FSTL5: variants seen among roughly 807,000 people sequenced by gnomAD.
The protein encoded by FSTL5 is follistatin-related protein 5.
In FSTL5, 62 loss-of-function variants were observed where a neutral mutation model predicts 89.1. The ratio of observed to expected loss-of-function variants is 0.70; its 90% CI spans 0.57 to 0.86. The LOEUF (loss-of-function observed/expected upper bound fraction) is 0.86, where lower values mean the gene tolerates loss of function less well. FSTL5 is among the 40% of genes least tolerant of loss of function. FSTL5 has a pLI of 0.00. For synonymous variants in FSTL5, 383 were observed against 346.2 expected (o/e 1.11, Z -1.18); for missense variants, 1,057 against 1,001.6 (o/e 1.06, Z -0.75).
At chr4:161,997,083 C>A (rs1736317259) in intron 3 of FSTL5, among the ~76,000 whole-genome samples, 1 of 152,014 alleles carries the variant, frequency 6.6e-6, no homozygotes, top group Non-Finnish European at 1.5e-5. Flanking sequence ...TATTGTTTTA[C>A]AACATTTTAA....
At chr4:161,583,236 G>T (rs148625967) in intron 8 of FSTL5, among the ~76,000 whole-genome samples, 23 of 152,134 alleles carry the variant, frequency 1.5e-4, no homozygotes, top group Non-Finnish European at 2.8e-4. Flanking sequence ...TTTCTCATGT[G>T]TCAGGTGTCA....
chr4:161,476,650 C>T (rs772158473), intron 13 of FSTL5, among the ~76,000 whole-genome samples: 4 of 152,156 alleles, frequency 2.6e-5, no homozygotes, highest in Non-Finnish European at 5.9e-5. Flanking sequence ...CTCCTATATG[C>T]ACTTGTTTTT....
chr4:161,565,814 G>A (rs939133140), intron 8 of FSTL5, among the ~76,000 whole-genome samples: 6 of 141,026 alleles, frequency 4.3e-5, no homozygotes, highest in Non-Finnish European at 7.7e-5. Context: ...TCTCTTCATT[G>A]GTTGATGGAC....
At chr4:162,144,112 C>T (rs77021909) in intron 1 of FSTL5, among the ~76,000 whole-genome samples, 35,214 of 151,808 alleles carry the variant, frequency 0.23, 4,239 homozygotes, top group Non-Finnish European at 0.25. Context: ...AGAACAGGGA[C>T]GAGGCTTCAT....
chr4:161,967,081 A>C (rs973597599), intron 3 of FSTL5, among the ~76,000 whole-genome samples: 8 of 148,526 alleles, frequency 5.4e-5, no homozygotes, highest in Admixed American at 6.7e-5. Context: ...CTGTTTCACA[A>C]AAAAAAAAAA....
chr4:161,540,618 A>C (rs1383175123), intron 9 of FSTL5, among the ~76,000 whole-genome samples: 1 of 151,950 alleles, frequency 6.6e-6, no homozygotes. Context: ...CTCCCTACTG[A>C]TACTTTCTCA....
intron 11 of FSTL5, among the ~76,000 whole-genome samples, chr4:161,509,173 C>T (rs1002611113): frequency 2.6e-5 from 4 of 152,126 alleles, no homozygotes; most frequent in Admixed American, 2.0e-4. Flanking sequence ...CGTGGTGGCC[C>T]GCTCCTGTAA....
chr4:161,743,671 A>G (rs1413448938), intron 6 of FSTL5, among the ~76,000 whole-genome samples: 1 of 152,152 alleles, frequency 6.6e-6, no homozygotes, highest in African/African-American at 2.4e-5. Context: ...AGTCTTGCAG[A>G]TATATTTTAA....
At chr4:161,827,246 G>C (rs1051233306) in intron 4 of FSTL5, among the ~76,000 whole-genome samples, 1 of 152,210 alleles carries the variant, frequency 6.6e-6, no homozygotes, top group African/African-American at 2.4e-5. Context: ...AGCCAGCAGA[G>C]CTACCAGGCT....
At position 161,419,153 on chromosome 4, in the gene FSTL5, A is replaced by G. The variant is rs544480429; in HGVS notation, c.1842-32704T>C. ...CCCTTAAAAGAAGGACAGACTGAAG[A>G]ACTTCAGTTGCTGTTTTTTACCAAT... is the stretch of plus-strand genomic sequence containing the variant. On this transcript the variant is annotated intron_variant, in intron 15 of 15. Transcript: ENST00000306100. 2.0e-5 allele frequency among the ~76,000 whole-genome samples: 3 copies of G among 152,338 alleles called. No homozygotes were observed. In the East Asian group the frequency reaches 5.8e-4, roughly 29 times the overall value.
At chr4:161,805,376 G>A (rs990334585) in intron 4 of FSTL5, among the ~76,000 whole-genome samples, 1 of 152,270 alleles carries the variant, frequency 6.6e-6, no homozygotes, top group African/African-American at 2.4e-5. Flanking sequence ...ATCAGATGCA[G>A]TTAGAAAACC....
chr4:161,499,243 G>T (rs1338767383), intron 12 of FSTL5, among the ~76,000 whole-genome samples: 1 of 152,076 alleles, frequency 6.6e-6, no homozygotes. Context: ...TGCAATTTAA[G>T]ATTTTTTACA....
At chr4:162,033,706 A>C in intron 2 of FSTL5, 48 bp from the exon 3 acceptor site, 1 of 1,039,540 alleles carries the variant, frequency 9.6e-7, no homozygotes, top group South Asian at 1.5e-5. Flanking sequence ...TAAATATGTG[A>C]TCAACTGTTT....
At chr4:161,890,884 G>A (rs1033681444) in intron 4 of FSTL5, among the ~76,000 whole-genome samples, 1 of 151,922 alleles carries the variant, frequency 6.6e-6, no homozygotes, top group Admixed American at 6.6e-5. Flanking sequence ...TTCTCCCCAT[G>A]TGCCTCTTTT....
intron 15 of FSTL5, among the ~76,000 whole-genome samples, chr4:161,402,191 GATGCATCATTTGCAACAA>G (rs1196968195): frequency 2.6e-5 from 4 of 152,064 alleles, no homozygotes; most frequent in Admixed American, 6.5e-5. Context: ...ACACACTTCA[GATGCATCATTTGCAACAA>G]ATGCATCATT....
intron 7 of FSTL5, among the ~76,000 whole-genome samples, chr4:161,635,186 A>G (rs1446441945): frequency 6.6e-6 from 1 of 152,084 alleles, no homozygotes; most frequent in African/African-American, 2.4e-5. Context: ...CAGGAGTTCA[A>G]GACCAGCCTG....
rs944719456 is a variant in FSTL5 at position 161,604,122 on chromosome 4, G to C, written c.895-16547C>G. Among the ~76,000 whole-genome samples the C allele has an allele frequency of 3.9e-5, 6 of 152,084 alleles. No individual in the cohort carries two copies. In the South Asian group the frequency reaches 8.3e-4, roughly 21 times the overall value. ...TCTCATTATTTTTTCTATAGTATTTGCTTCTTACTTTCAATGTTCATTTTG... is the reference window on the plus strand; with the variant it reads ...TCTCATTATTTTTTCTATAGTATTTCCTTCTTACTTTCAATGTTCATTTTG... On this transcript the variant is annotated intron_variant, in intron 7 of 15. Transcript: ENST00000306100.
chr4:161,654,927 T>A (rs1736464824), intron 7 of FSTL5, among the ~76,000 whole-genome samples: 1 of 152,294 alleles, frequency 6.6e-6, no homozygotes, highest in Admixed American at 6.5e-5. Context: ...GAACAGGTGA[T>A]TGCCCTTGAG....
At chr4:161,911,147 G>A (rs1733679926) in intron 4 of FSTL5, among the ~76,000 whole-genome samples, 1 of 152,080 alleles carries the variant, frequency 6.6e-6, no homozygotes, top group African/African-American at 2.4e-5. Context: ...ATTTTCGAAA[G>A]TCATTATTGA....
Sources: gnomAD v4.1 joint callset for allele counts (sites outside exome capture counted in the v4.1 genomes callset) on GRCh38, gnomAD v4.1.1 for gene constraint, MANE v1.5 for transcripts, NCBI Gene and HGNC (gene_info 2026-07-23, HGNC 2026-07-21) for gene names.